Variants in ATP13A5 observed in about 807,000 individuals in gnomAD.
ATP13A5 encodes the protein ATPase 13A5.
A neutral mutation model predicts 150.2 loss-of-function variants in ATP13A5; 149 were observed. The ratio of observed to expected loss-of-function variants is 0.99; its 90% CI spans 0.87 to 1.14. The LOEUF (loss-of-function observed/expected upper bound fraction) is 1.14. Ranked by LOEUF, ATP13A5 falls within the 50% of genes most tolerant of loss-of-function variation. ATP13A5 has a pLI of 0.00. For missense variants in ATP13A5, 1,383 were observed against 1,449.3 expected (o/e 0.95, Z 0.74); for synonymous variants, 497 against 522.2 (o/e 0.95, Z 0.66).
chr3:193,299,064 G>C, intron 25 of ATP13A5, 67 bp downstream of exon 25: 1 of 1,354,206 alleles, frequency 7.4e-7, no homozygotes, highest in Non-Finnish European at 1.0e-6. Flanking sequence ...GTTCCTTTTT[G>C]TGTGACTGTT....
At chr3:193,320,722 A>C (rs1719234954) in intron 16 of ATP13A5, among the ~76,000 whole-genome samples, 1 of 152,218 alleles carries the variant, frequency 6.6e-6, no homozygotes. Context: ...ATCAGCAATC[A>C]TAAGGAGAGT....
intron 10 of ATP13A5, 133 bp from the exon 11 acceptor site, chr3:193,334,040 AG>A: frequency 2.5e-6 from 2 of 811,962 alleles, no homozygotes; most frequent in Non-Finnish European, 3.7e-6. Context: ...ATAAGTTTTC[AG>A]GTGGTTTTCA....
At chr3:193,313,873 C>T in intron 19 of ATP13A5, 160 bp downstream of exon 19, 1 of 811,370 alleles carries the variant, frequency 1.2e-6, no homozygotes, top group Non-Finnish European at 1.9e-6. Flanking sequence ...TTTTCCTAGG[C>T]AACCAGAGCT....
At chr3:193,312,313 T>C (rs1718885884) in intron 19 of ATP13A5, among the ~76,000 whole-genome samples, 1 of 152,216 alleles carries the variant, frequency 6.6e-6, no homozygotes, top group Admixed American at 6.5e-5. Context: ...CTAAGATCTC[T>C]ACCATTCACT....
rs141063141 is a variant in ATP13A5 at position 193,324,299 on chromosome 3, C to T, written c.1674+565G>A. ...AGACTTATGCTTTACAATACACAGT[C>T]GCCACCAGCCACTTGTAGCTATTTA... On this transcript the variant is annotated intron_variant, in intron 14 of 29. Coordinates refer to ENST00000342358, the MANE Select transcript of ATP13A5 (RefSeq NM_198505.4). 1.3e-3 allele frequency among the ~76,000 whole-genome samples: 199 copies of T among 152,208 alleles called. 1 individual carries two copies. Among genetic ancestry groups the T allele is most frequent in the African/African-American group, 4.5e-3 (186 of 41,532 alleles).
Position 193,281,720 on chromosome 3 carries a change from TTTG to T in ATP13A5, c.3227-2269_3227-2267del, listed in dbSNP as rs138899526. Among the ~76,000 whole-genome samples the T allele has an allele frequency of 2.0e-5, 3 of 152,272 alleles. No individual in the cohort carries two copies. The East Asian group carries it at 5.8e-4, about 29-fold the overall frequency. On this transcript the variant is annotated intron_variant, in intron 27 of 29. Coordinates refer to ENST00000342358, the MANE Select transcript of ATP13A5 (RefSeq NM_198505.4). The stretch of plus-strand genomic sequence containing the variant: ...TTGACTTATAACCTGAGAGTATATG[TTTG>T]TTATCTTATTACATTTGTTAGCATA...
chr3:193,292,519 A>G (rs1718005321), intron 25 of ATP13A5, among the ~76,000 whole-genome samples: 1 of 152,166 alleles, frequency 6.6e-6, no homozygotes, highest in Non-Finnish European at 1.5e-5. Context: ...AGATGTTAGC[A>G]TAGACTTCAA....
intron 7 of ATP13A5, among the ~76,000 whole-genome samples, chr3:193,346,344 G>A (rs999895404): frequency 2.0e-5 from 3 of 152,150 alleles, no homozygotes; most frequent in Admixed American, 6.6e-5. Flanking sequence ...GCCTGGAGAA[G>A]TGGAGAAAGC....
chr3:193,316,647 G>C (rs1156976840), intron 17 of ATP13A5, among the ~76,000 whole-genome samples: 1 of 152,038 alleles, frequency 6.6e-6, no homozygotes, highest in Non-Finnish European at 1.5e-5. Flanking sequence ...CAGGGCCTTT[G>C]TTCATTTTTA....
rs115508962 is a variant in ATP13A5, at chr3:193,314,302, G to T, written c.2159-109C>A. ...TTGGTGTTCTTTGAGAGCATTTACC[G>T]CTTTCTGCCTTATTTTATCTTCCTC... On this transcript the variant is annotated intron_variant, in intron 18 of 29. Coordinates refer to ENST00000342358, the MANE Select transcript of ATP13A5 (RefSeq NM_198505.4). 6.1e-4 allele frequency: 743 copies of T among 1,219,228 alleles called. 2 individuals are homozygous for T. In the African/African-American group the frequency reaches 0.01, roughly 17 times the overall value. The allele number at this position is 1,219,228 out of a possible 1,614,324, so 75.5% of individuals were successfully genotyped here. A position where few individuals can be genotyped will look rare whatever the true frequency, so the allele number is the denominator to read the frequency against.
chr3:193,302,022 G>GA (rs1213359082), intron 23 of ATP13A5, among the ~76,000 whole-genome samples: 4 of 152,098 alleles, frequency 2.6e-5, no homozygotes, highest in African/African-American at 9.7e-5. Flanking sequence ...CAGGTTAGAA[G>GA]AAAAAAATGT....
intron 23 of ATP13A5, among the ~76,000 whole-genome samples, chr3:193,301,877 T>A (rs1718408973): frequency 6.6e-6 from 1 of 152,120 alleles, no homozygotes; most frequent in Admixed American, 6.6e-5. Flanking sequence ...AGGGTAATAA[T>A]CTGAGTGGGC....
chr3:193,289,443 GA>G (rs1252814172), intron 26 of ATP13A5, among the ~76,000 whole-genome samples: 1 of 152,070 alleles, frequency 6.6e-6, no homozygotes, highest in Non-Finnish European at 1.5e-5. Context: ...TTCATCACCT[GA>G]TTTTGTAGAT....
chr3:193,292,364 G>T (rs555208150), intron 25 of ATP13A5, among the ~76,000 whole-genome samples: 8 of 152,128 alleles, frequency 5.3e-5, no homozygotes, highest in Non-Finnish European at 1.2e-4. Flanking sequence ...TACCTCTTTG[G>T]TCTTCTCTCT....
chr3:193,363,477 C>G, intron 2 of ATP13A5, 95 bp from the exon 3 acceptor site: 4 of 1,163,218 alleles, frequency 3.4e-6, no homozygotes, highest in Non-Finnish European at 4.8e-6. Context: ...AAACTTTGAC[C>G]CAAACAAGCG....
At chr3:193,303,235 C>T (rs751027324) in intron 23 of ATP13A5, among the ~76,000 whole-genome samples, 4 of 152,178 alleles carry the variant, frequency 2.6e-5, no homozygotes, top group Non-Finnish European at 5.9e-5. Flanking sequence ...ATGGCTGCCG[C>T]ATTTTCCCCA....
intron 25 of ATP13A5, among the ~76,000 whole-genome samples, chr3:193,297,629 GT>G (rs147279989): frequency 2.0e-5 from 3 of 151,706 alleles, no homozygotes; most frequent in Non-Finnish European, 2.9e-5. Context: ...CCCTTCTGAG[GT>G]TTTTTTTCTC....
chr3:193,300,733 T>C (rs1333698104), intron 24 of ATP13A5, among the ~76,000 whole-genome samples: 1 of 152,240 alleles, frequency 6.6e-6, no homozygotes, highest in Non-Finnish European at 1.5e-5. Flanking sequence ...TCTTTACTAA[T>C]GATATCCCTG....
chr3:193,311,968 C>T (rs1251185738), intron 19 of ATP13A5, 27 bp from the exon 20 acceptor site: 3 of 1,611,930 alleles, frequency 1.9e-6, no homozygotes, highest in East Asian at 2.2e-5. Flanking sequence ...ATCATTTCTA[C>T]ATTGACTCCT....
Sources: allele counts gnomAD v4.1 joint callset (sites outside exome capture counted in the v4.1 genomes callset), GRCh38; gene constraint gnomAD v4.1.1; transcripts MANE v1.5; gene names NCBI Gene and HGNC (gene_info 2026-07-23, HGNC 2026-07-21).